PIP5K1A: variants seen among roughly 807,000 people sequenced by gnomAD.
The protein encoded by PIP5K1A is phosphatidylinositol 4-phosphate 5-kinase type-1 alpha.
In PIP5K1A, 46 loss-of-function variants were observed where a neutral mutation model predicts 72.9. The observed-to-expected ratio is 0.63, with a 90% CI of 0.50 to 0.81. PIP5K1A has a LOEUF of 0.81. PIP5K1A is among the 30% of genes least tolerant of loss of function. PIP5K1A has a pLI of 0.00. For synonymous variants in PIP5K1A, 228 were observed against 255.1 expected, an observed-to-expected ratio of 0.89 and a Z score of 1.01; for missense variants, 458 against 706.1, an observed-to-expected ratio of 0.65 and a Z score of 3.98.
At chr1:151,225,392 A>G (rs587664939) in intron 3 of PIP5K1A, among the ~76,000 whole-genome samples, 1 of 152,080 alleles carries the variant, frequency 6.6e-6, no homozygotes, top group South Asian at 2.1e-4. Context: ...TATGAAGAGT[A>G]ACTTCATGTC....
chr1:151,198,563 T>C lies in PIP5K1A; in HGVS notation c.-434T>C, dbSNP rs1377182336. 5.0e-6 allele frequency: 1 copy of C among 198,300 alleles called. No individual in the cohort carries two copies. Among genetic ancestry groups the C allele is most frequent in the Non-Finnish European group, 1.1e-5 (1 of 94,314 alleles). 12.3% of individuals were successfully genotyped at this position (198,300 alleles called of 1,614,324 possible). A position where few individuals can be genotyped will look rare whatever the true frequency, so the allele number is the denominator to read the frequency against. On this transcript the variant is annotated 5_prime_UTR_variant, in exon 1 of 16. Coordinates refer to ENST00000368888, the MANE Select transcript of PIP5K1A (RefSeq NM_001135638.2). ...ATGCGCAGTGCTCGGATTTTTTGCTTGGCTACCCGGAGTGAAGCGGCCGGG... is the reference window on the plus strand; with the variant it reads ...ATGCGCAGTGCTCGGATTTTTTGCTCGGCTACCCGGAGTGAAGCGGCCGGG...
chr1:151,211,718 A>G (rs1686826702), intron 1 of PIP5K1A, among the ~76,000 whole-genome samples: 4 of 151,550 alleles, frequency 2.6e-5, no homozygotes, highest in Non-Finnish European at 5.9e-5. Flanking sequence ...AGGCGGGAGA[A>G]TGGCATGAAC....
intron 3 of PIP5K1A, among the ~76,000 whole-genome samples, chr1:151,224,809 A>G (rs925826234): frequency 1.3e-5 from 2 of 152,144 alleles, no homozygotes; most frequent in Non-Finnish European, 2.9e-5. Context: ...TTTGTCCAGA[A>G]TATCGCCATT....
intron 4 of PIP5K1A, among the ~76,000 whole-genome samples, chr1:151,230,421 G>A (rs1379123058): frequency 6.6e-6 from 1 of 152,254 alleles, no homozygotes; most frequent in Non-Finnish European, 1.5e-5. Context: ...ATCCTGGATT[G>A]TAAGAGTGGG....
At chr1:151,239,901 T>C (rs982064421) in intron 11 of PIP5K1A, 54 bp from the exon 12 acceptor site, 2 of 1,244,016 alleles carry the variant, frequency 1.6e-6, no homozygotes, top group African/African-American at 1.8e-5. Context: ...GCCCTTGGAC[T>C]AGAGTTCCTC....
At chr1:151,234,575 A>G (rs893756907) in intron 8 of PIP5K1A, 79 bp downstream of exon 8, 77 of 1,141,230 alleles carry the variant, frequency 6.7e-5, no homozygotes, top group Non-Finnish European at 9.8e-5. Context: ...TTTGTGGGAG[A>G]TGGAACTCTG....
intron 1 of PIP5K1A, among the ~76,000 whole-genome samples, chr1:151,199,942 C>A (rs1225140232): frequency 6.6e-6 from 1 of 152,062 alleles, no homozygotes; most frequent in African/African-American, 2.4e-5. Context: ...CACCCCCACC[C>A]TTAGGGCCGC....
upstream of PIP5K1A, among the ~76,000 whole-genome samples, chr1:151,196,702 C>T (rs1014875763): frequency 4.6e-5 from 7 of 151,516 alleles, no homozygotes; most frequent in Non-Finnish European, 1.0e-4. Flanking sequence ...GCTGGGATTA[C>T]AGGAATGCTC....
intron 1 of PIP5K1A, among the ~76,000 whole-genome samples, chr1:151,203,934 A>G (rs1335268021): frequency 6.6e-6 from 1 of 152,236 alleles, no homozygotes; most frequent in South Asian, 2.1e-4. Flanking sequence ...GCTCACCTAT[A>G]TGATTTTATC....
chr1:151,210,746 C>T (rs375949812), intron 1 of PIP5K1A, among the ~76,000 whole-genome samples: 1 of 151,984 alleles, frequency 6.6e-6, no homozygotes, highest in African/African-American at 2.4e-5. Context: ...CCACCATGCC[C>T]GGCTAATTTT....
chr1:151,239,269 CTTTTTTCT>C (rs1691322654), intron 11 of PIP5K1A, 91 bp downstream of exon 11: 13 of 789,324 alleles, frequency 1.6e-5, no homozygotes, highest in Middle Eastern at 3.6e-4. Context: ...TTTCTTTTTT[CTTTTTTCT>C]TTTTTTTTTT....
At chr1:151,236,897 A>AGC (rs1445864697) in intron 9 of PIP5K1A, 134 bp downstream of exon 9, 1 of 633,222 alleles carries the variant, frequency 1.6e-6, no homozygotes, top group African/African-American at 2.0e-5. Flanking sequence ...GCACGATCTC[A>AGC]GCCTACTACT....
intron 1 of PIP5K1A, among the ~76,000 whole-genome samples, chr1:151,209,125 A>G (rs752078488): frequency 2.0e-5 from 3 of 151,770 alleles, no homozygotes; most frequent in South Asian, 2.1e-4. Context: ...TTTTCAGTTG[A>G]AGAACAATTT....
At chr1:151,201,308 G>T (rs1685186131) in intron 1 of PIP5K1A, among the ~76,000 whole-genome samples, 1 of 151,828 alleles carries the variant, frequency 6.6e-6, no homozygotes, top group East Asian at 1.9e-4. Context: ...TTTTCTGTCA[G>T]ATCCTCTCAC....
At position 151,242,362 on chromosome 1, in the gene PIP5K1A, TTC is replaced by T. The variant is rs1237094920; in HGVS notation, c.1511-74_1511-73del. 2.4e-5 allele frequency: 38 copies of T among 1,601,788 alleles called. No individual in the cohort carries two copies. The East Asian group carries it at 8.3e-4, about 35-fold the overall frequency. On this transcript the variant is annotated intron_variant, in intron 13 of 15. Transcript: ENST00000368888. ...GTCTGGCCAGGACCTCTGCTCCCAT[TTC>T]TATCCAGGAAGCCTAGCTGCTACAT...
intron 1 of PIP5K1A, among the ~76,000 whole-genome samples, chr1:151,214,228 TGC>T (rs1349946812): frequency 6.6e-6 from 1 of 152,216 alleles, no homozygotes; most frequent in East Asian, 1.9e-4. Context: ...ATATATACAC[TGC>T]TGTAATCCTT....
chr1:151,235,759 TGTGGGCTAGGCA>T (rs1690758408), intron 8 of PIP5K1A, among the ~76,000 whole-genome samples: 1 of 152,202 alleles, frequency 6.6e-6, no homozygotes, highest in African/African-American at 2.4e-5. Context: ...AAGATGGTCT[TGTGGGCTAGGCA>T]GTGGGACTTG....
intron 1 of PIP5K1A, among the ~76,000 whole-genome samples, chr1:151,220,309 G>A (rs1688236523): frequency 6.6e-6 from 1 of 151,600 alleles, no homozygotes; most frequent in African/African-American, 2.4e-5. Flanking sequence ...CGGCTTGCCT[G>A]TCTCTATTTT....
At chr1:151,215,976 T>C in intron 1 of PIP5K1A, 4 of 1,303,300 alleles carry the variant, frequency 3.1e-6, no homozygotes, top group Non-Finnish European at 4.1e-6. Context: ...CAACTTTCTG[T>C]GCTGTGGGGT....
Sources: gnomAD v4.1 joint callset for allele counts (sites outside exome capture counted in the v4.1 genomes callset) on GRCh38, gnomAD v4.1.1 for gene constraint, MANE v1.5 for transcripts, NCBI Gene and HGNC (gene_info 2026-07-23, HGNC 2026-07-21) for gene names.